SAMD5: variants seen among roughly 807,000 people sequenced by gnomAD.
SAMD5 encodes sterile alpha motif domain containing 5.
In SAMD5, 13 loss-of-function variants were observed where a neutral mutation model predicts 11.3. The observed-to-expected ratio is 1.15, with a 90% CI of 0.75 to 1.83. The LOEUF is 1.83. Among genes scored for constraint, SAMD5 ranks in the 40% most tolerant of loss-of-function variants. The pLI is 0.00. For synonymous variants in SAMD5, 129 were observed against 111.3 expected, an observed-to-expected ratio of 1.16 and a Z score of -1.00; for missense variants, 255 against 239.1, an observed-to-expected ratio of 1.07 and a Z score of -0.44.
At chr6:147,648,347 C>T (rs1256473744) in intron 1 of SAMD5, among the ~76,000 whole-genome samples, 1 of 152,184 alleles carries the variant, frequency 6.6e-6, no homozygotes, top group Admixed American at 6.5e-5. Context: ...AGAACTCACT[C>T]ATTATCATGA....
At chr6:147,570,613 T>A (rs760310770), downstream of SAMD5, among the ~76,000 whole-genome samples, 1 of 149,768 alleles carries the variant, frequency 6.7e-6, no homozygotes, top group Non-Finnish European at 1.5e-5. Context: ...TTTTGGGTTT[T>A]ATATAAATGT....
chr6:147,667,744 C>T (rs1053246320), intron 1 of SAMD5, among the ~76,000 whole-genome samples: 7 of 152,164 alleles, frequency 4.6e-5, no homozygotes, highest in Non-Finnish European at 1.0e-4. Flanking sequence ...CTCAAAGTTT[C>T]CTTATTTTCT....
the SAMD5 span, among the ~76,000 whole-genome samples, chr6:147,940,790 C>T: frequency 3.0e-3 from 455 of 152,080 alleles, 4 homozygotes; most frequent in African/African-American, 0.011. Flanking sequence ...GGTGAAACCC[C>T]GTCTCTACTA....
intron 1 of SAMD5, among the ~76,000 whole-genome samples, chr6:147,576,392 C>T (rs1481292505): frequency 6.6e-6 from 1 of 152,082 alleles, no homozygotes; most frequent in Non-Finnish European, 1.5e-5. Context: ...CCACCTGCCT[C>T]GGCCTCAAAG....
the SAMD5 span, among the ~76,000 whole-genome samples, chr6:147,893,743 A>G: frequency 6.8e-4 from 103 of 152,276 alleles, 2 homozygotes; most frequent in South Asian, 0.016. Context: ...ATTGCTGTTC[A>G]TATTAATTTT....
the SAMD5 span, among the ~76,000 whole-genome samples, chr6:147,941,185 C>T: frequency 3.3e-5 from 5 of 152,140 alleles, no homozygotes; most frequent in Non-Finnish European, 7.3e-5. Context: ...GAGGCAATAC[C>T]TACCTGTGTT....
chr6:147,869,478 A>G, the SAMD5 span, among the ~76,000 whole-genome samples: 1 of 152,216 alleles, frequency 6.6e-6, no homozygotes, highest in African/African-American at 2.4e-5. Context: ...GAATGGGGGA[A>G]AATGGAATTG....
chr6:147,664,191 T>A (rs1790685402), intron 1 of SAMD5, among the ~76,000 whole-genome samples: 1 of 152,144 alleles, frequency 6.6e-6, no homozygotes, highest in South Asian at 2.1e-4. Flanking sequence ...CTTGAAACAG[T>A]GAGGAGACAG....
In SAMD5 at chr6:147,569,000, G is replaced by A. The variant is rs934280186; in HGVS notation, c.*4544G>A. The stretch of plus-strand genomic sequence containing the variant: ...CCAGCACTTTGGGAGGCCGGGGTGG[G>A]CAGATCATTTGAGGTCAGGAGTTTG... On this transcript the variant is annotated 3_prime_UTR_variant, in exon 2 of 2. Transcript: ENST00000367474. The A allele has an allele frequency of 1.6e-5, 7 of 441,184 alleles. No individual in the cohort carries two copies. Among genetic ancestry groups the A allele is most frequent in the Non-Finnish European group, 2.1e-5 (7 of 333,148 alleles). The allele number at this position is 441,184 out of a possible 1,614,324, so 27.3% of individuals were successfully genotyped here.
chr6:147,788,594 T>G, the SAMD5 span, among the ~76,000 whole-genome samples: 1 of 152,186 alleles, frequency 6.6e-6, no homozygotes, highest in East Asian at 1.9e-4. Flanking sequence ...AAAATAAGAT[T>G]TTCCGAGTCA....
the SAMD5 span, among the ~76,000 whole-genome samples, chr6:147,817,655 A>T: frequency 1.3e-5 from 2 of 152,208 alleles, no homozygotes; most frequent in African/African-American, 4.8e-5. Context: ...TTGTTTGTGG[A>T]GGATTTGGCT....
intron 1 of SAMD5, among the ~76,000 whole-genome samples, chr6:147,585,439 A>C (rs1305812157): frequency 1.3e-5 from 2 of 152,186 alleles, no homozygotes; most frequent in East Asian, 3.9e-4. Flanking sequence ...TTTGCTCTTA[A>C]GAGCTGTGAC....
intron 1 of SAMD5, among the ~76,000 whole-genome samples, chr6:147,641,178 C>T (rs185528050): frequency 6.6e-6 from 1 of 152,280 alleles, no homozygotes; most frequent in Non-Finnish European, 1.5e-5. Context: ...ATGAGAGCCT[C>T]CTGAAATGCC....
At chr6:147,894,561 A>G in the SAMD5 span, among the ~76,000 whole-genome samples, 18 of 152,310 alleles carry the variant, frequency 1.2e-4, no homozygotes, top group African/African-American at 3.8e-4. Context: ...CGTGAGACCT[A>G]CTGGGGGGAA....
the SAMD5 span, among the ~76,000 whole-genome samples, chr6:147,844,226 A>G: frequency 6.6e-6 from 1 of 152,208 alleles, no homozygotes; most frequent in South Asian, 2.1e-4. Context: ...CAAATGGTCA[A>G]CAAGTATATG....
chr6:147,594,364 G>T (rs991133337), intron 1 of SAMD5, among the ~76,000 whole-genome samples: 1 of 152,124 alleles, frequency 6.6e-6, no homozygotes, highest in African/African-American at 2.4e-5. Context: ...AACAGCTGTT[G>T]TAAAAGGTTT....
At chr6:147,542,393 CAG>C (rs1019027556) in intron 1 of SAMD5, among the ~76,000 whole-genome samples, 3 of 152,194 alleles carry the variant, frequency 2.0e-5, no homozygotes, top group Non-Finnish European at 2.9e-5. Flanking sequence ...TTCAACAAGA[CAG>C]GGGAATTGCA....
chr6:147,813,560 C>T, the SAMD5 span, among the ~76,000 whole-genome samples: 2 of 152,264 alleles, frequency 1.3e-5, no homozygotes, highest in East Asian at 3.9e-4. Flanking sequence ...GGTCACATAG[C>T]CTCCTAATGT....
intron 1 of SAMD5, among the ~76,000 whole-genome samples, chr6:147,531,905 A>G (rs1462789445): frequency 6.6e-6 from 1 of 152,212 alleles, no homozygotes; most frequent in Non-Finnish European, 1.5e-5. Context: ...AGGAAATAGG[A>G]GAATTATACT....
Sources: allele counts gnomAD v4.1 joint callset (sites outside exome capture counted in the v4.1 genomes callset), GRCh38; gene constraint gnomAD v4.1.1; transcripts MANE v1.5; gene names NCBI Gene and HGNC (gene_info 2026-07-23, HGNC 2026-07-21).